Variants in SVIL observed in about 807,000 individuals in gnomAD.
SVIL encodes the protein supervillin, also known as archvillin.
Under a neutral mutation model 240.4 loss-of-function variants are expected in SVIL, and 101 were observed. The observed-to-expected ratio is 0.42, with a 90% CI of 0.36 to 0.50. The LOEUF (loss-of-function observed/expected upper bound fraction) is 0.50. SVIL is among the 20% of genes least tolerant of loss of function. The probability of loss-of-function intolerance (pLI) is 0.01; values close to 1 mark genes in which losing one functional copy is unlikely to be tolerated. For missense variants in SVIL, 2,512 were observed against 2,818.7 expected (o/e 0.89, Z 2.46); for synonymous variants, 999 against 1,100.0 (o/e 0.91, Z 1.82).
intron 3 of SVIL, among the ~76,000 whole-genome samples, chr10:29,652,404 G>A (rs1958867043): frequency 1.3e-5 from 2 of 152,188 alleles, no homozygotes; most frequent in African/African-American, 4.8e-5. Flanking sequence ...AAGCTGAATA[G>A]TGTTTTACTG....
In SVIL at chr10:29,486,455, C is replaced by T; in HGVS notation, c.4588G>A (p.Ala1530Thr). 1.2e-6 allele frequency: 2 copies of T among 1,614,204 alleles called. No homozygotes were observed. Among genetic ancestry groups the T allele is most frequent in the South Asian group, 2.2e-5 (2 of 91,086 alleles). The change falls in exon 25 of 38, where the codon GCC (alanine) becomes ACC (threonine). Residue 1530 changes from alanine (A) to threonine (T), a missense_variant. Transcript: ENST00000355867. ...EEGINTHTHAAKDFWKLLGGQ... is the reference protein window; with the variant it reads ...EEGINTHTHATKDFWKLLGGQ... ...CCCAGAAGCTTCCAGAAGTCTTTGG[C>T]TGCATGAGTGTGTGTATTAATTCCT... is the stretch of plus-strand genomic sequence containing the variant.
At chr10:29,532,450 C>A in intron 8 of SVIL, 79 bp downstream of exon 8, 1 of 1,521,622 alleles carries the variant, frequency 6.6e-7, no homozygotes, top group South Asian at 1.3e-5. Context: ...ATGCAGAACA[C>A]AACACAGGTC....
intron 1 of SVIL, among the ~76,000 whole-genome samples, chr10:29,690,327 A>G (rs1331476572): frequency 6.6e-6 from 1 of 152,210 alleles, no homozygotes; most frequent in Non-Finnish European, 1.5e-5. Flanking sequence ...TTCATGATAA[A>G]GTCCCAAAGC....
rs1424150819 is a variant in SVIL, at chr10:29,524,489, G to T, written c.2569C>A (p.Leu857Met). 40 of 1,614,062 alleles carry T rather than the reference G, an allele frequency of 2.5e-5. No homozygotes were observed. Among genetic ancestry groups the T allele is most frequent in the Non-Finnish European group, 3.1e-5 (36 of 1,180,050 alleles). Residue 857 changes from leucine (L) to methionine (M), a missense_variant, in exon 14 of 38, where the codon CTG becomes ATG. Physicochemically the swap from Leu to Met is conservative, Grantham distance 15 (BLOSUM62 2). This residue lies in a region of SVIL where 1,443 missense variants were observed against 1,486.6 expected (regional missense o/e 0.97). Transcript: ENST00000355867. The stretch of plus-strand genomic sequence containing the variant: ...ACACCCACCTGCTCCACCTCTCCCA[G>T]TGTGACTGGCTGAGTTTGATAGCGA... ...NARYQTQPVT[L>M]GEVEQVQSGK... is the part of the protein sequence containing the mutation.
At chr10:29,714,081 A>G (rs1191383574) in intron 1 of SVIL, among the ~76,000 whole-genome samples, 1 of 152,196 alleles carries the variant, frequency 6.6e-6, no homozygotes, top group African/African-American at 2.4e-5. Context: ...GTATAGACAG[A>G]AAAATGAGGT....
intron 1 of SVIL, among the ~76,000 whole-genome samples, chr10:29,610,444 C>T (rs1476271508): frequency 3.1e-5 from 3 of 96,992 alleles, no homozygotes; most frequent in South Asian, 6.8e-4. Flanking sequence ...TCCATTCACT[C>T]TGCATTTTTT....
chr10:29,702,703 AC>A (rs139587282), intron 1 of SVIL, among the ~76,000 whole-genome samples: 10,368 of 152,220 alleles, frequency 0.068, 479 homozygotes, highest in African/African-American at 0.12. Flanking sequence ...CAGCTCACAG[AC>A]CTTTGACCTT....
rs192056590 is a variant in SVIL at position 29,707,880 on chromosome 10, C to T, written c.-399-21229G>A. Among the ~76,000 whole-genome samples the T allele has an allele frequency of 1.1e-4, 16 of 152,226 alleles. No individual in the cohort carries two copies. In the East Asian group the frequency reaches 3.1e-3, roughly 29 times the overall value. On this transcript the variant is annotated intron_variant, in intron 1 of 35. Coordinates refer to the SVIL transcript ENST00000375400. The stretch of plus-strand genomic sequence containing the variant: ...TAAATGAGAAAATGAAGGCTTAGAA[C>T]AGTCACATGGCTAGTAAATATCAGG...
chr10:29,697,727 T>A, intron 1 of SVIL, among the ~76,000 whole-genome samples: 1 of 99,448 alleles, frequency 1.0e-5, no homozygotes, highest in Non-Finnish European at 1.9e-5. Flanking sequence ...CTGCTGACCT[T>A]CCCTCCACTA....
intron 1 of SVIL, among the ~76,000 whole-genome samples, chr10:29,592,841 T>G (rs1220778506): frequency 6.6e-6 from 1 of 152,194 alleles, no homozygotes; most frequent in Non-Finnish European, 1.5e-5. Flanking sequence ...AGGCCTAGAT[T>G]AAAGTTCATT....
intron 17 of SVIL, among the ~76,000 whole-genome samples, chr10:29,505,857 T>C (rs1324683513): frequency 6.6e-6 from 1 of 152,086 alleles, no homozygotes; most frequent in Non-Finnish European, 1.5e-5. Flanking sequence ...AAAATATATC[T>C]AGTTGTCCCT....
At chr10:29,475,174 C>T (rs185484814) in intron 29 of SVIL, among the ~76,000 whole-genome samples, 8 of 152,280 alleles carry the variant, frequency 5.3e-5, no homozygotes, top group South Asian at 2.1e-4. Flanking sequence ...TACAGGCATG[C>T]GTCACCATGT....
At chr10:29,648,012 A>G (rs1486273417) in intron 3 of SVIL, among the ~76,000 whole-genome samples, 1 of 151,722 alleles carries the variant, frequency 6.6e-6, no homozygotes, top group African/African-American at 2.4e-5. Flanking sequence ...CAGAAAAAAA[A>G]AAAAAAGAGA....
intron 17 of SVIL, among the ~76,000 whole-genome samples, chr10:29,509,112 CAAGTGCACATAAACCACACCG>C (rs1429483943): frequency 2.0e-5 from 3 of 152,168 alleles, no homozygotes. Context: ...AAGCCATGCT[CAAGTGCACATAAACCACACCG>C]TGCAGACCAG....
chr10:29,609,232 T>C (rs1259747011), intron 1 of SVIL, among the ~76,000 whole-genome samples: 3 of 152,194 alleles, frequency 2.0e-5, no homozygotes, highest in Non-Finnish European at 4.4e-5. Context: ...CTGTAACATG[T>C]TCTTGACCAG....
intron 3 of SVIL, among the ~76,000 whole-genome samples, chr10:29,558,815 C>G (rs4448598): frequency 0.3 from 44,982 of 150,558 alleles, 6,999 homozygotes; most frequent in African/African-American, 0.38. Flanking sequence ...GTAATCCCAG[C>G]TACACGGGAG....
Position 29,524,038 on chromosome 10 carries a change from A to G in SVIL, c.2587-11T>C, listed in dbSNP as rs1482343589. 1 of 1,577,024 alleles carries G rather than the reference A, an allele frequency of 6.3e-7. No homozygotes were observed. The highest frequency in any genetic ancestry group is 2.2e-5 in the East Asian group (1 of 44,520). ...CTTTCCACTCTGCACCTGGAAGGAC[A>G]CAGTTAAAAATTAAAAAGCTGCTTG... is the stretch of plus-strand genomic sequence containing the variant. On this transcript the variant is annotated splice_polypyrimidine_tract_variant and intron_variant, in intron 14 of 37. Coordinates refer to ENST00000355867, the MANE Select transcript of SVIL (RefSeq NM_021738.3).
intron 16 of SVIL, among the ~76,000 whole-genome samples, chr10:29,519,048 G>A (rs1042185730): frequency 5.9e-5 from 9 of 152,106 alleles, no homozygotes; most frequent in African/African-American, 1.4e-4. Context: ...TATAAAAAAC[G>A]ATGAAGGAAA....
chr10:29,679,001 T>C (rs980481490), intron 2 of SVIL, among the ~76,000 whole-genome samples: 18 of 152,128 alleles, frequency 1.2e-4, no homozygotes, highest in Non-Finnish European at 2.6e-4. Context: ...AGGTCAGGAG[T>C]TCGAGACCAG....
Sources: allele counts gnomAD v4.1 joint callset (sites outside exome capture counted in the v4.1 genomes callset), GRCh38; gene constraint gnomAD v4.1.1; regional missense constraint gnomAD v4.1.1; transcripts MANE v1.5; gene names NCBI Gene and HGNC (gene_info 2026-07-23, HGNC 2026-07-21).